The following MRPL37 variants were observed in gnomAD, a reference collection of about 807,000 sequenced individuals.
MRPL37 encodes large ribosomal subunit protein mL37.
Under a neutral mutation model 44.1 loss-of-function variants are expected in MRPL37, and 34 were observed. The observed-to-expected ratio is 0.77, with a 90% CI of 0.59 to 1.03. The LOEUF (loss-of-function observed/expected upper bound fraction) is 1.03, where lower values mean the gene tolerates loss of function less well. MRPL37 is among the 50% of genes least tolerant of loss of function. The pLI, the probability that MRPL37 is intolerant of heterozygous loss-of-function variation, is 0.00. For synonymous variants in MRPL37, 212 were observed against 219.5 expected, an observed-to-expected ratio of 0.97 and a Z score of 0.30; for missense variants, 532 against 543.7, an observed-to-expected ratio of 0.98 and a Z score of 0.21.
intron 4 of MRPL37, among the ~76,000 whole-genome samples, chr1:54,211,607 C>T (rs1397885281): frequency 1.3e-5 from 2 of 152,142 alleles, no homozygotes; most frequent in Non-Finnish European, 2.9e-5. Context: ...ATCCTCCTAC[C>T]TCAGCCTCCT....
At chr1:54,210,254 T>G in intron 4 of MRPL37, 123 bp downstream of exon 4, 1 of 912,912 alleles carries the variant, frequency 1.1e-6, no homozygotes, top group Non-Finnish European at 1.7e-6. Flanking sequence ...ACCTATCTCC[T>G]AGGATCCATG....
chr1:54,222,878 C>T (rs181829316), downstream of MRPL37, among the ~76,000 whole-genome samples: 237 of 152,314 alleles, frequency 1.6e-3, no homozygotes, highest in Non-Finnish European at 2.5e-3. Context: ...TCTGTCCTTC[C>T]GTGTCTGTTC....
At chr1:54,213,376 C>A (rs1644177459) in intron 5 of MRPL37, among the ~76,000 whole-genome samples, 1 of 152,102 alleles carries the variant, frequency 6.6e-6, no homozygotes, top group Non-Finnish European at 1.5e-5. Context: ...ACTGCTGGAC[C>A]CCCAGGTCTT....
intron 1 of MRPL37, among the ~76,000 whole-genome samples, chr1:54,204,413 A>T (rs1644106621): frequency 1.3e-5 from 2 of 152,154 alleles, no homozygotes; most frequent in Admixed American, 1.3e-4. Context: ...AAAAAAGACA[A>T]AACAGTTCTG....
intron 6 of MRPL37, 35 bp downstream of exon 6, chr1:54,216,379 G>T: frequency 6.3e-7 from 1 of 1,597,548 alleles, no homozygotes; most frequent in Admixed American, 1.7e-5. Flanking sequence ...ACCCAGGAGG[G>T]CCATGCCTCC....
At position 54,200,392 on chromosome 1, in the gene MRPL37, A is replaced by G. The variant is rs1193715225; in HGVS notation, c.149A>G (p.Tyr50Cys). 4 of 1,614,042 alleles carry G rather than the reference A, an allele frequency of 2.5e-6. No homozygotes were observed. In the African/African-American group the frequency reaches 4.0e-5, roughly 16 times the overall value. ...KSEPPPLDRV[Y>C]EIPGLEPITF... ...GAGCCTCCTCCCCTGGATAGGGTGTACGAGATCCCTGGACTGGAGCCCATC... is the reference window on the plus strand; with the variant it reads ...GAGCCTCCTCCCCTGGATAGGGTGTGCGAGATCCCTGGACTGGAGCCCATC... The change falls in exon 1 of 7, where the codon TAC (tyrosine) becomes TGC (cysteine). Residue 50 changes from tyrosine to cysteine, a missense_variant. Physicochemically the swap from Tyr to Cys is radical, Grantham distance 194 (BLOSUM62 -2). Transcript: ENST00000360840.
downstream of MRPL37, chr1:54,220,683 G>C: frequency 2.1e-6 from 1 of 471,680 alleles, no homozygotes; most frequent in Non-Finnish European, 4.4e-6. Context: ...CGCAGGAGAG[G>C]AAGTGATGCA....
chr1:54,221,021 T>C (rs1382047719), downstream of MRPL37: 1 of 361,344 alleles, frequency 2.8e-6, no homozygotes, highest in Middle Eastern at 9.3e-4. Flanking sequence ...GTATTCCAGC[T>C]GCCCTGTCAG....
downstream of MRPL37, among the ~76,000 whole-genome samples, chr1:54,219,507 C>T (rs1368153770): frequency 1.3e-5 from 2 of 152,196 alleles, no homozygotes; most frequent in Non-Finnish European, 2.9e-5. Context: ...TTGGCTGGGG[C>T]TGGAGTGGCC....
At chr1:54,210,867 A>G (rs570551425) in intron 4 of MRPL37, among the ~76,000 whole-genome samples, 22 of 151,606 alleles carry the variant, frequency 1.5e-4, no homozygotes, top group Middle Eastern at 3.4e-3. Flanking sequence ...CCCCAACACC[A>G]CTTTCATCCC....
chr1:54,216,365 C>G (rs35081998), intron 6 of MRPL37, 21 bp downstream of exon 6: 2 of 1,611,444 alleles, frequency 1.2e-6, no homozygotes, highest in East Asian at 4.5e-5. Flanking sequence ...CCATCTCCTG[C>G]CTGACCCAGG....
At position 54,205,354 on chromosome 1, in the gene MRPL37, C is replaced by G. The variant is rs1321180211; in HGVS notation, c.590C>G (p.Ser197Cys). 9.3e-6 allele frequency: 15 copies of G among 1,614,012 alleles called. No individual in the cohort carries two copies. Among genetic ancestry groups the G allele is most frequent in the Non-Finnish European group, 1.3e-5 (15 of 1,180,022 alleles). Residue 197 changes from serine (S) to cysteine (C), a missense_variant, in exon 3 of 7, where the codon TCT (serine) becomes TGT (cysteine). Physicochemically the swap from Ser to Cys is moderately radical, Grantham distance 112. Transcript: ENST00000360840. ...AAATCTCAGATTCTCAAGCATCCTT[C>G]TCTGGCCAGGAGGATCTGTGTCCAA... is the stretch of plus-strand genomic sequence containing the variant. ...LCKSQILKHP[S>C]LARRICVQNS...
At position 54,212,487 on chromosome 1, in the gene MRPL37, T is replaced by C; in HGVS notation, c.833-14T>C. The C allele has an allele frequency of 6.2e-7, 1 of 1,613,346 alleles. No homozygotes were observed. The highest frequency in any genetic ancestry group is 1.1e-5 in the South Asian group (1 of 90,988). ...AATCCTTTCCACCCCTCCACATAAT[T>C]GTGTCTCTTGCAGGATTCCAGGAAG... On this transcript the variant is annotated splice_polypyrimidine_tract_variant and intron_variant, in intron 4 of 6. Transcript: ENST00000360840.
At chr1:54,214,751 G>C (rs553536598) in intron 5 of MRPL37, among the ~76,000 whole-genome samples, 17 of 152,342 alleles carry the variant, frequency 1.1e-4, no homozygotes, top group African/African-American at 4.1e-4. Context: ...GGGATGTGAA[G>C]TTGAGCAATT....
At chr1:54,223,032 G>A (rs905412267), downstream of MRPL37, among the ~76,000 whole-genome samples, 1 of 152,228 alleles carries the variant, frequency 6.6e-6, no homozygotes, top group Non-Finnish European at 1.5e-5. Flanking sequence ...ATGGGAGGCA[G>A]GAAACCAAGG....
intron 5 of MRPL37, among the ~76,000 whole-genome samples, chr1:54,215,004 G>C (rs1644187979): frequency 6.6e-6 from 1 of 152,188 alleles, no homozygotes; most frequent in African/African-American, 2.4e-5. Flanking sequence ...CAGCCCCAGT[G>C]GGGTGAACAC....
chr1:54,203,467 C>CTTTTTTT (rs780467512), intron 1 of MRPL37, among the ~76,000 whole-genome samples: 16 of 98,868 alleles, frequency 1.6e-4, no homozygotes, highest in African/African-American at 3.3e-4. Context: ...ACTTCATTTA[C>CTTTTTTT]TTTTTTTTTT....
downstream of MRPL37, among the ~76,000 whole-genome samples, chr1:54,218,991 A>G (rs1321161045): frequency 1.3e-5 from 2 of 152,270 alleles, no homozygotes; most frequent in Non-Finnish European, 2.9e-5. Flanking sequence ...CTGGTGCTAT[A>G]GGTCAGCTTC....
rs201546393 is a variant in MRPL37, at chr1:54,209,911, T to G, written c.647-35T>G. 86 of 1,604,190 alleles carry G rather than the reference T, an allele frequency of 5.4e-5. No homozygotes were observed. The African/African-American group carries it at 9.4e-4, about 18-fold the overall frequency. ...TGCGCCTAGCTGCGAAAGCCTTTAGTACCAGGTTAGAGTAACCATTTTTCT... is the reference window on the plus strand; with the variant it reads ...TGCGCCTAGCTGCGAAAGCCTTTAGGACCAGGTTAGAGTAACCATTTTTCT... On this transcript the variant is annotated intron_variant, in intron 3 of 6. Transcript: ENST00000360840.
Sources: gnomAD v4.1 joint callset for allele counts (sites outside exome capture counted in the v4.1 genomes callset) on GRCh38, gnomAD v4.1.1 for gene constraint, MANE v1.5 for transcripts, NCBI Gene and HGNC (gene_info 2026-07-23, HGNC 2026-07-21) for gene names.